The following INPP5D variants were observed in gnomAD, a reference collection of about 807,000 sequenced individuals.
The protein encoded by INPP5D is phosphatidylinositol 3,4,5-trisphosphate 5-phosphatase 1.
In INPP5D, 33 loss-of-function variants were observed where a neutral mutation model predicts 122.9. The ratio of observed to expected loss-of-function variants is 0.27; its 90% confidence interval spans 0.20 to 0.36. The LOEUF (loss-of-function observed/expected upper bound fraction) is 0.36. INPP5D is among the 10% of genes least tolerant of loss of function. INPP5D has a pLI of 1.00. For missense variants in INPP5D, 1,053 were observed against 1,412.7 expected, an observed-to-expected ratio of 0.75 and a Z score of 4.08; for synonymous variants, 584 against 576.2, an observed-to-expected ratio of 1.01 and a Z score of -0.19.
intron 2 of INPP5D, among the ~76,000 whole-genome samples, chr2:233,096,639 G>A (rs1480475974): frequency 6.6e-6 from 1 of 152,152 alleles, no homozygotes; most frequent in Non-Finnish European, 1.5e-5. Flanking sequence ...GTGACAGAGC[G>A]AGATCCCATC....
In INPP5D at chr2:233,122,104, C is replaced by T. The variant is rs1559303626; in HGVS notation, c.199-3C>T. Reference sequence around the variant, plus strand: ...TGCGTTTGTTTGGATGTTCTGTCCTCAGGCATCCGAAGGCGTCTCCATGAG... The same window carrying T: ...TGCGTTTGTTTGGATGTTCTGTCCTTAGGCATCCGAAGGCGTCTCCATGAG... On this transcript the variant is annotated splice_polypyrimidine_tract_variant and splice_region_variant and intron_variant, in intron 2 of 26. Transcript: ENST00000445964. The T allele has an allele frequency of 4.3e-6, 7 of 1,613,882 alleles. No homozygotes were observed. In the South Asian group the frequency reaches 4.4e-5, roughly 10 times the overall value.
chr2:233,088,464 T>A (rs1260140157), intron 2 of INPP5D, among the ~76,000 whole-genome samples: 1 of 152,214 alleles, frequency 6.6e-6, no homozygotes, highest in East Asian at 1.9e-4. Flanking sequence ...GCAGCCACAT[T>A]TCCAGAGAAG....
At chr2:233,154,796 A>G (rs1166853860) in intron 9 of INPP5D, among the ~76,000 whole-genome samples, 1 of 152,120 alleles carries the variant, frequency 6.6e-6, no homozygotes, top group Non-Finnish European at 1.5e-5. Context: ...GTTCCTTCAG[A>G]CCTCCAATAA....
chr2:233,163,849 G>T lies in INPP5D; in HGVS notation c.1383G>T (p.Trp461Cys). The change falls in exon 12 of 27, where the codon TGG becomes TGT. Residue 461 changes from tryptophan to cysteine, a missense_variant. By Grantham distance (215) the Trp-to-Cys change is radical. Coordinates refer to ENST00000445964, the MANE Select transcript of INPP5D (RefSeq NM_001017915.3). ...AGGACCCCCTGAGTGAGAAGGAGTGGCTGGAGATCCTCAAACACTCCCTGC... is the reference window on the plus strand; with the variant it reads ...AGGACCCCCTGAGTGAGAAGGAGTGTCTGGAGATCCTCAAACACTCCCTGC... The part of the protein sequence containing the change: ...TQEDPLSEKE[W>C]LEILKHSLQE... The T allele has an allele frequency of 6.2e-7, 1 of 1,613,926 alleles. No individual in the cohort carries two copies. The highest frequency in any genetic ancestry group is 8.5e-7 in the Non-Finnish European group (1 of 1,179,886).
chr2:233,074,544 G>A lies in INPP5D; in HGVS notation c.135-4791G>A, dbSNP rs564998653. Among the ~76,000 whole-genome samples, 10 of 152,218 alleles carry A rather than the reference G, an allele frequency of 6.6e-5. No individual in the cohort carries two copies. In the South Asian group the frequency reaches 1.5e-3, roughly 22 times the overall value. On this transcript the variant is annotated intron_variant, in intron 1 of 26. Coordinates refer to ENST00000445964, the MANE Select transcript of INPP5D (RefSeq NM_001017915.3). The stretch of plus-strand genomic sequence containing the variant: ...GTGATTCTTCAAGGTTTGGAGTGGC[G>A]AATGGTGAACAGTTTGTTTCCCAAG...
intron 2 of INPP5D, among the ~76,000 whole-genome samples, chr2:233,115,472 A>C (rs1574738383): frequency 6.6e-6 from 1 of 152,322 alleles, no homozygotes; most frequent in East Asian, 1.9e-4. Flanking sequence ...GTTTCTGGAA[A>C]TGCAGCACTT....
chr2:233,092,313 C>T (rs73996004), intron 2 of INPP5D, among the ~76,000 whole-genome samples: 106 of 152,256 alleles, frequency 7.0e-4, no homozygotes, highest in African/African-American at 2.5e-3. Context: ...CCCCAGAGTA[C>T]CTCAAGAGTT....
At position 233,134,008 on chromosome 2, in the gene INPP5D, G is replaced by A. The variant is rs149184706; in HGVS notation, c.665+3360G>A. On this transcript the variant is annotated intron_variant, in intron 5 of 26. Transcript: ENST00000445964. The stretch of plus-strand genomic sequence containing the variant: ...GATGCTGAGAACTGGTGTGACCTGG[G>A]ACACGTGTGCATGGCAAAGGTGTCA... 15 of 456,366 alleles carry A rather than the reference G, an allele frequency of 3.3e-5. No individual in the cohort carries two copies. In the East Asian group the frequency reaches 1.0e-3, roughly 32 times the overall value. 28.3% of individuals were successfully genotyped at this position (456,366 alleles called of 1,614,324 possible).
rs1386235843 is a variant in INPP5D at position 233,185,922 on chromosome 2, A to G, written c.2355A>G (p.Pro785=). The change falls in exon 21 of 27, where the codon CCA becomes CCG. Residue 785 remains proline, a synonymous_variant. Transcript: ENST00000445964. ...TGGTGAAGTTTGGTGAGACTCTTCC[A>G]AAGGTAATTCTAGAGCAAGGCATTC... The part of the protein sequence containing the change: ...ELVVKFGETL[P]KLKPIISDPE... 1.2e-6 allele frequency: 2 copies of G among 1,600,488 alleles called. No homozygotes were observed. Among genetic ancestry groups the G allele is most frequent in the South Asian group, 1.1e-5 (1 of 88,024 alleles).
chr2:233,166,299 G>A (rs1203780996), intron 13 of INPP5D, among the ~76,000 whole-genome samples: 1 of 152,214 alleles, frequency 6.6e-6, no homozygotes, highest in African/African-American at 2.4e-5. Context: ...ACCAGTTCCT[G>A]GTCATCCTGG....
chr2:233,090,814 G>A (rs929454328), intron 2 of INPP5D, among the ~76,000 whole-genome samples: 4 of 152,048 alleles, frequency 2.6e-5, no homozygotes, highest in Admixed American at 1.3e-4. Context: ...AAAAATAGCC[G>A]GGTGTGATGG....
At chr2:233,088,145 T>G (rs1465273653) in intron 2 of INPP5D, among the ~76,000 whole-genome samples, 1 of 152,054 alleles carries the variant, frequency 6.6e-6, no homozygotes, top group African/African-American at 2.4e-5. Context: ...CCGACTAATT[T>G]TTTGTATTTT....
At chr2:233,153,700 T>C (rs2106285997) in intron 9 of INPP5D, among the ~76,000 whole-genome samples, 1 of 152,254 alleles carries the variant, frequency 6.6e-6, no homozygotes, top group East Asian at 1.9e-4. Flanking sequence ...CACACTCCAC[T>C]CCATGTAGCC....
At chr2:233,124,337 C>T (rs1290979955) in intron 3 of INPP5D, among the ~76,000 whole-genome samples, 1 of 152,250 alleles carries the variant, frequency 6.6e-6, no homozygotes, top group East Asian at 1.9e-4. Flanking sequence ...TCTCCCTCAC[C>T]TGTGGGCTGG....
In INPP5D at chr2:233,204,168, G is replaced by A; in HGVS notation, c.3018G>A (p.Gln1006=). The part of the protein sequence containing the change: ...LGKNAGDTLP[Q]EDLPLTKPEM... ...AGAACGCAGGGGACACGCTGCCTCA[G>A]GAGGACCTGCCGCTGACGAAGCCCG... Residue 1006 remains glutamine, a synonymous_variant, in exon 26 of 27, where the codon CAG becomes CAA. Coordinates refer to ENST00000445964, the MANE Select transcript of INPP5D (RefSeq NM_001017915.3). 1.3e-6 allele frequency: 2 copies of A among 1,598,532 alleles called. No homozygotes were observed. The highest frequency in any genetic ancestry group is 1.7e-6 in the Non-Finnish European group (2 of 1,173,172).
At chr2:233,149,189 C>T (rs1051209419) in intron 9 of INPP5D, among the ~76,000 whole-genome samples, 18 of 151,512 alleles carry the variant, frequency 1.2e-4, no homozygotes, top group Middle Eastern at 3.4e-3. Context: ...CTGCAACCTC[C>T]GCCTCCTGGG....
intron 23 of INPP5D, 147 bp downstream of exon 23, chr2:233,194,108 G>A: frequency 7.5e-7 from 1 of 1,338,364 alleles, no homozygotes; most frequent in Non-Finnish European, 9.8e-7. Flanking sequence ...AGACAATCTG[G>A]CCCAACCCTC....
chr2:233,089,647 T>C (rs1029971606), intron 2 of INPP5D, among the ~76,000 whole-genome samples: 1 of 152,242 alleles, frequency 6.6e-6, no homozygotes, highest in Non-Finnish European at 1.5e-5. Flanking sequence ...CAGTGAGCGT[T>C]ATAGCCGTAT....
chr2:233,115,805 G>C (rs969802517), intron 2 of INPP5D, among the ~76,000 whole-genome samples: 2 of 152,174 alleles, frequency 1.3e-5, no homozygotes, highest in African/African-American at 4.8e-5. Flanking sequence ...CATTATGTTT[G>C]CAACCAAACT....
Sources: gnomAD v4.1 joint callset for allele counts (sites outside exome capture counted in the v4.1 genomes callset) on GRCh38, gnomAD v4.1.1 for gene constraint, MANE v1.5 for transcripts, NCBI Gene and HGNC (gene_info 2026-07-23, HGNC 2026-07-21) for gene names.